TEK: variants seen among roughly 807,000 people sequenced by gnomAD.
The protein encoded by TEK is angiopoietin-1 receptor.
A neutral mutation model predicts 131.8 loss-of-function variants in TEK; 43 were observed. The observed-to-expected ratio is 0.33, with a 90% CI of 0.26 to 0.42. TEK has a LOEUF of 0.42. Among genes scored for constraint, TEK ranks in the 10% least tolerant of loss-of-function variants. TEK has a pLI of 1.00. For synonymous variants in TEK, 580 were observed against 491.6 expected (o/e 1.18, Z -2.38); for missense variants, 1,162 against 1,384.4 (o/e 0.84, Z 2.55).
In TEK at chr9:27,220,038, T is replaced by C. The variant is rs1258151786; in HGVS notation, c.3104-11T>C. 1 of 1,613,938 alleles carries C rather than the reference T, an allele frequency of 6.2e-7. No individual in the cohort carries two copies. The highest frequency in any genetic ancestry group is 1.1e-5 in the South Asian group (1 of 91,072). On this transcript the variant is annotated splice_polypyrimidine_tract_variant and intron_variant, in intron 20 of 22. Transcript: ENST00000380036. ...CAGAGAGGACTTAGAGTGGCACTGT[T>C]TGTCTTCCAGGAGGCACACCCTACT...
chr9:27,217,636 C>T (rs938253776), intron 18 of TEK, 52 bp from the exon 19 acceptor site: 64 of 1,538,658 alleles, frequency 4.2e-5, no homozygotes, highest in South Asian at 2.5e-4. Context: ...AGGCTGAGAG[C>T]CTCTTAAAGA....
chr9:27,218,431 C>T (rs1297653013), intron 19 of TEK, among the ~76,000 whole-genome samples: 1 of 152,080 alleles, frequency 6.6e-6, no homozygotes, highest in Admixed American at 6.6e-5. Context: ...CCAAGAGGTT[C>T]AGCAACTGTT....
At chr9:27,228,839 A>T (rs996011091) in intron 22 of TEK, among the ~76,000 whole-genome samples, 3 of 152,192 alleles carry the variant, frequency 2.0e-5, no homozygotes, top group Admixed American at 2.0e-4. Flanking sequence ...TGAAAATGAG[A>T]TTCAGACAGA....
chr9:27,126,854 G>C (rs1472969387), intron 1 of TEK, among the ~76,000 whole-genome samples: 3 of 152,138 alleles, frequency 2.0e-5, no homozygotes, highest in Non-Finnish European at 4.4e-5. Context: ...ACCCAGATTT[G>C]ACTGGATTCC....
chr9:27,220,238 A>G (rs1826008570), intron 21 of TEK, 93 bp downstream of exon 21: 8 of 1,151,800 alleles, frequency 6.9e-6, no homozygotes, highest in Non-Finnish European at 1.0e-5. Context: ...GCCGGTATAC[A>G]CTATACACAA....
chr9:27,182,196 T>G (rs1309320995), intron 7 of TEK, among the ~76,000 whole-genome samples: 2 of 152,186 alleles, frequency 1.3e-5, no homozygotes, highest in Non-Finnish European at 2.9e-5. Context: ...GAGTGCATTC[T>G]GATGGGAGAA....
At chr9:27,222,489 A>T (rs1826125371) in intron 21 of TEK, among the ~76,000 whole-genome samples, 1 of 152,236 alleles carries the variant, frequency 6.6e-6, no homozygotes, top group South Asian at 2.1e-4. Flanking sequence ...CCACAAAGGG[A>T]AGCCAAACAG....
chr9:27,136,664 A>G (rs1376266242), intron 1 of TEK, among the ~76,000 whole-genome samples: 1 of 147,696 alleles, frequency 6.8e-6, no homozygotes, highest in Non-Finnish European at 1.5e-5. Context: ...GACTGGAGAC[A>G]AAGAAGCAGT....
chr9:27,197,526 G>A lies in TEK; in HGVS notation c.1836G>A (p.Val612=), dbSNP rs774687629. Reference sequence around the variant, plus strand: ...ACTTACATCCCAGGGAGCAGTACGTGGTCCGAGCTAGAGTCAACACCAAGG... The same window carrying A: ...ACTTACATCCCAGGGAGCAGTACGTAGTCCGAGCTAGAGTCAACACCAAGG... ...LNNLHPREQY[V]VRARVNTKAQ... is the part of the protein sequence containing the mutation. The change falls in exon 12 of 23, where the codon GTG becomes GTA. Residue 612 remains valine, a synonymous_variant. Coordinates refer to ENST00000380036, the MANE Select transcript of TEK (RefSeq NM_000459.5). 4.3e-6 allele frequency: 7 copies of A among 1,613,930 alleles called. No individual in the cohort carries two copies. Among genetic ancestry groups the A allele is most frequent in the Middle Eastern group, 1.6e-4 (1 of 6,084 alleles).
chr9:27,221,607 A>G (rs1179108897), intron 21 of TEK, among the ~76,000 whole-genome samples: 1 of 152,178 alleles, frequency 6.6e-6, no homozygotes, highest in Non-Finnish European at 1.5e-5. Context: ...TCTGCTAGTG[A>G]TATCCAGGCA....
At chr9:27,117,028 A>AT (rs201189870) in intron 1 of TEK, among the ~76,000 whole-genome samples, 10,233 of 148,334 alleles carry the variant, frequency 0.069, 447 homozygotes, top group East Asian at 0.22. Context: ...CGCCCAGCTA[A>AT]TTTTTTTTTT....
chr9:27,212,139 C>T (rs542815306), intron 16 of TEK, among the ~76,000 whole-genome samples: 118 of 152,244 alleles, frequency 7.8e-4, no homozygotes, highest in Non-Finnish European at 1.4e-3. Flanking sequence ...AAACTAACCT[C>T]TGGTGGCCAG....
At chr9:27,164,883 G>A (rs1823670900) in intron 2 of TEK, among the ~76,000 whole-genome samples, 1 of 152,146 alleles carries the variant, frequency 6.6e-6, no homozygotes, top group Non-Finnish European at 1.5e-5. Context: ...TTGGTCCATA[G>A]TAGGTGCTAT....
At chr9:27,138,218 T>A (rs984154455) in intron 1 of TEK, among the ~76,000 whole-genome samples, 1 of 152,240 alleles carries the variant, frequency 6.6e-6, no homozygotes, top group East Asian at 1.9e-4. Flanking sequence ...GATTCCACAG[T>A]GTGGAAGGGG....
intron 1 of TEK, among the ~76,000 whole-genome samples, chr9:27,113,745 T>G (rs563085074): frequency 1.2e-3 from 178 of 152,276 alleles, no homozygotes; most frequent in Middle Eastern, 3.4e-3. Flanking sequence ...CTACAAAACC[T>G]CAGTATAATC....
chr9:27,173,082 G>T, intron 5 of TEK, 140 bp from the exon 6 acceptor site: 6 of 1,091,490 alleles, frequency 5.5e-6, no homozygotes, highest in Non-Finnish European at 8.2e-6. Flanking sequence ...GGCCATAAGG[G>T]TATGTTCATC....
At chr9:27,223,619 T>A (rs1353593085) in intron 21 of TEK, among the ~76,000 whole-genome samples, 1 of 152,112 alleles carries the variant, frequency 6.6e-6, no homozygotes, top group Non-Finnish European at 1.5e-5. Context: ...TTTAAAGCAG[T>A]GTGTAGAGGG....
At chr9:27,142,610 A>G (rs1331282018) in intron 1 of TEK, among the ~76,000 whole-genome samples, 1 of 152,258 alleles carries the variant, frequency 6.6e-6, no homozygotes, top group African/African-American at 2.4e-5. Flanking sequence ...ATAGTCTTAC[A>G]TGTGGTCCAG....
At chr9:27,124,460 G>A (rs1425502264) in intron 1 of TEK, among the ~76,000 whole-genome samples, 1 of 152,242 alleles carries the variant, frequency 6.6e-6, no homozygotes, top group Non-Finnish European at 1.5e-5. Context: ...AGAGAGCTAA[G>A]TAGAAACAAG....
Sources: allele counts gnomAD v4.1 joint callset (sites outside exome capture counted in the v4.1 genomes callset), GRCh38; gene constraint gnomAD v4.1.1; transcripts MANE v1.5; gene names NCBI Gene and HGNC (gene_info 2026-07-23, HGNC 2026-07-21).